MDH1B: variants seen among roughly 807,000 people sequenced by gnomAD.
MDH1B encodes putative malate dehydrogenase 1B.
A neutral mutation model predicts 61.4 loss-of-function variants in MDH1B; 60 were observed. The observed-to-expected ratio is 0.98, with a 90% CI of 0.79 to 1.21. MDH1B has a LOEUF of 1.21. Among genes scored for constraint, MDH1B ranks in the 50% most tolerant of loss-of-function variants. The pLI, the probability that MDH1B is intolerant of heterozygous loss-of-function variation, is 0.00. For missense variants in MDH1B, 587 were observed against 632.1 expected (o/e 0.93, Z 0.76); for synonymous variants, 236 against 218.7 (o/e 1.08, Z -0.70).
Position 206,755,372 on chromosome 2 carries a change from C to T in MDH1B, c.547G>A (p.Glu183Lys). ...ACGGGAGATGCCAGGTCTTGGGTCT[C>T]CACCACAAGGCTTTTGAGATGTTCT... ...AEEHLKSLVV[E>K]TQDLASPVLR... Residue 183 changes from glutamate to lysine, a missense_variant, in exon 5 of 12, where the codon GAG becomes AAG. Physicochemically the swap from Glu to Lys is moderately conservative, Grantham distance 56. Coordinates refer to ENST00000374412, the MANE Select transcript of MDH1B (RefSeq NM_001039845.3). 6.2e-7 allele frequency: 1 copy of T among 1,614,192 alleles called. No individual in the cohort carries two copies. The highest frequency in any genetic ancestry group is 8.5e-7 in the Non-Finnish European group (1 of 1,180,034).
intron 9 of MDH1B, among the ~76,000 whole-genome samples, chr2:206,742,717 T>C (rs1035002685): frequency 4.8e-5 from 7 of 145,152 alleles, no homozygotes; most frequent in Non-Finnish European, 9.1e-5. Context: ...CTCTATTTTT[T>C]TTTTTTTTTT....
chr2:206,755,338 C>G lies in MDH1B; in HGVS notation c.581G>C (p.Ser194Thr). 6.2e-7 allele frequency: 1 copy of G among 1,614,232 alleles called. No homozygotes were observed. Among genetic ancestry groups the G allele is most frequent in the Non-Finnish European group, 8.5e-7 (1 of 1,180,040 alleles). ...TQDLASPVLR[S>T]VSICTKVEEA... ...CTCCACCTTCGTGCAGATGGAGACA[C>G]TGCGCAGGACGGGAGATGCCAGGTC... The change falls in exon 5 of 12, where the codon AGT becomes ACT. Residue 194 changes from serine (S) to threonine (T), a missense_variant. By Grantham distance (58) the Ser-to-Thr change is moderately conservative. Coordinates refer to ENST00000374412, the MANE Select transcript of MDH1B (RefSeq NM_001039845.3).
chr2:206,742,795 T>G (rs376452432), intron 9 of MDH1B, among the ~76,000 whole-genome samples: 122 of 144,728 alleles, frequency 8.4e-4, no homozygotes, highest in African/African-American at 2.7e-3. Context: ...CAGCTCAAGC[T>G]CCACCTCCTG....
Position 206,750,928 on chromosome 2 carries a change from C to T in MDH1B, c.1052+6G>A. On this transcript the variant is annotated splice_donor_region_variant and intron_variant, in intron 6 of 11. Coordinates refer to ENST00000374412, the MANE Select transcript of MDH1B (RefSeq NM_001039845.3). Reference sequence around the variant, plus strand: ...TCAGTATGCTTCACTTCAAAATATACTGTACCTGTCAAAAATCAAGTTTAA... The same window carrying T: ...TCAGTATGCTTCACTTCAAAATATATTGTACCTGTCAAAAATCAAGTTTAA... 6.3e-7 allele frequency: 1 copy of T among 1,599,308 alleles called. No homozygotes were observed. The highest frequency in any genetic ancestry group is 8.5e-7 in the Non-Finnish European group (1 of 1,173,738).
intron 11 of MDH1B, 30 bp from the exon 12 acceptor site, chr2:206,738,541 A>G (rs865946499): frequency 6.5e-7 from 1 of 1,535,374 alleles, no homozygotes; most frequent in Middle Eastern, 1.7e-4. Context: ...AAAAGACATA[A>G]CTATTTCCAA....
intron 1 of MDH1B, among the ~76,000 whole-genome samples, chr2:206,761,686 C>T (rs1689105313): frequency 6.6e-6 from 1 of 151,964 alleles, no homozygotes; most frequent in South Asian, 2.1e-4. Context: ...GGGTTTCAGA[C>T]ACACAATTTG....
rs775737798 is a variant in MDH1B, at chr2:206,745,647, C to G, written c.1383G>C (p.Lys461Asn). ...IQEKLVALGD[K>N]IHFQPYQSGH... ...CTGATTGGTATGGCTGAAAATGTAT[C>G]TTGTCTCCAAGTGCAACAAGTTTCT... The change falls in exon 9 of 12, where the codon AAG becomes AAC. Residue 461 changes from lysine (K) to asparagine (N), a missense_variant. Coordinates refer to ENST00000374412, the MANE Select transcript of MDH1B (RefSeq NM_001039845.3). 6.8e-6 allele frequency: 11 copies of G among 1,611,774 alleles called. No homozygotes were observed. The highest frequency in any genetic ancestry group is 9.3e-6 in the Non-Finnish European group (11 of 1,178,878).
chr2:206,756,095 G>A (rs1030915375), intron 4 of MDH1B, among the ~76,000 whole-genome samples: 3 of 152,102 alleles, frequency 2.0e-5, no homozygotes, highest in African/African-American at 7.2e-5. Context: ...GTTCAGAAAT[G>A]CATCCGGGCA....
intron 8 of MDH1B, 54 bp from the exon 9 acceptor site, chr2:206,745,727 C>CT: frequency 1.7e-5 from 13 of 785,948 alleles, no homozygotes; most frequent in Middle Eastern, 3.8e-4. Flanking sequence ...TAACTTAATT[C>CT]TTCTTTTTTT....
intron 1 of MDH1B, 23 bp from the exon 2 acceptor site, chr2:206,761,036 T>A (rs747233077): frequency 1.5e-6 from 2 of 1,299,630 alleles, no homozygotes; most frequent in African/African-American, 2.9e-5. Flanking sequence ...AAATTAGCAA[T>A]GTTTTCTTTC....
In MDH1B at chr2:206,760,974, A is replaced by G. The variant is rs1559351071; in HGVS notation, c.62T>C (p.Val21Ala). ...AAGATTCTTTTGTAAATAGTCTGCC[A>G]CAAGTTCTGTTTTAGCATAATATGG... ...DCPYYAKTEL[V>A]ADYLQKNLPD... Residue 21 changes from valine to alanine, a missense_variant, in exon 2 of 12, where the codon GTG (valine) becomes GCG (alanine). Coordinates refer to ENST00000374412, the MANE Select transcript of MDH1B (RefSeq NM_001039845.3). 1.9e-6 allele frequency: 3 copies of G among 1,612,446 alleles called. No homozygotes were observed. Among genetic ancestry groups the G allele is most frequent in the Non-Finnish European group, 1.7e-6 (2 of 1,178,676 alleles).
chr2:206,760,575 G>A (rs1689031586), intron 2 of MDH1B, among the ~76,000 whole-genome samples: 1 of 152,126 alleles, frequency 6.6e-6, no homozygotes, highest in Non-Finnish European at 1.5e-5. Flanking sequence ...CCAAAGAAGG[G>A]TATCCCAAAT....
chr2:206,743,142 G>A (rs572725650), intron 9 of MDH1B, among the ~76,000 whole-genome samples: 5 of 152,340 alleles, frequency 3.3e-5, no homozygotes, highest in Admixed American at 6.5e-5. Flanking sequence ...GGCCTACTAA[G>A]TAGGGACTTG....
At position 206,750,960 on chromosome 2, in the gene MDH1B, G is replaced by T; in HGVS notation, c.1026C>A (p.Arg342=). ...SAIWGPLHYS[R]PVLNLIFDSE... ...TGTCAAAAATCAAGTTTAAAACAGG[G>T]CGTGAATAATGAAGAGGTCCCCAAA... The change falls in exon 6 of 12, where the codon CGC becomes CGA. Residue 342 remains arginine (R), a synonymous_variant. Transcript: ENST00000374412. 6.2e-7 allele frequency: 1 copy of T among 1,609,774 alleles called. No homozygotes were observed. Among genetic ancestry groups the T allele is most frequent in the Non-Finnish European group, 8.5e-7 (1 of 1,177,816 alleles).
chr2:206,746,218 C>A, intron 8 of MDH1B, 69 bp downstream of exon 8: 3 of 1,337,274 alleles, frequency 2.2e-6, no homozygotes, highest in East Asian at 2.6e-5. Flanking sequence ...CCAATGTATG[C>A]CTTGGCCTAG....
Position 206,765,152 on chromosome 2 carries a change from G to C in MDH1B, c.22+98C>G. The stretch of plus-strand genomic sequence containing the variant: ...TTGAATAAATCTATAGCAAAGCATG[G>C]AGCGGTCCGTATAGAGGCTGCCAAG... On this transcript the variant is annotated intron_variant, in intron 1 of 11. Coordinates refer to ENST00000374412, the MANE Select transcript of MDH1B (RefSeq NM_001039845.3). The C allele has an allele frequency of 3.5e-6, 5 of 1,425,168 alleles. No individual in the cohort carries two copies. In the East Asian group the frequency reaches 1.3e-4, roughly 36 times the overall value. 88.3% of individuals were successfully genotyped at this position (1,425,168 alleles called of 1,614,324 possible). A position where few individuals can be genotyped will look rare whatever the true frequency, so the allele number is the denominator to read the frequency against.
At position 206,738,062 on chromosome 2, in the gene MDH1B, T is replaced by C. The variant is rs964621527; in HGVS notation, c.*421A>G. 1.3e-5 allele frequency: 2 copies of C among 154,444 alleles called. No individual in the cohort carries two copies. The highest frequency in any genetic ancestry group is 1.9e-4 in the East Asian group (1 of 5,276). 9.6% of individuals were successfully genotyped at this position (154,444 alleles called of 1,614,324 possible). The stretch of plus-strand genomic sequence containing the variant: ...TATGATTGGTTCTCCTTGAGTGAAG[T>C]ACATCTGTTTGGCCTAATTAGTTGA... On this transcript the variant is annotated 3_prime_UTR_variant, in exon 12 of 12. Transcript: ENST00000374412.
intron 5 of MDH1B, among the ~76,000 whole-genome samples, chr2:206,753,451 T>C (rs991637998): frequency 6.6e-6 from 1 of 152,120 alleles, no homozygotes; most frequent in African/African-American, 2.4e-5. Context: ...CCTGGTGACT[T>C]CAGTCACCGT....
rs1574650863 is a variant in MDH1B at position 206,760,919 on chromosome 2, T to C, written c.117A>G (p.Gln39=). Residue 39 remains glutamine (Q), a synonymous_variant, in exon 2 of 12, where the codon CAA becomes CAG. Coordinates refer to ENST00000374412, the MANE Select transcript of MDH1B (RefSeq NM_001039845.3). ...LPDFRIHKIT[Q]RPEVWEDWLK... Reference sequence around the variant, plus strand: ...TTCTTACCTCCCAAACCTCAGGACGTTGTGTGATTTTATGTATCCGAAAAT... The same window carrying C: ...TTCTTACCTCCCAAACCTCAGGACGCTGTGTGATTTTATGTATCCGAAAAT... The C allele has an allele frequency of 2.5e-6, 4 of 1,607,432 alleles. No individual in the cohort carries two copies. The highest frequency in any genetic ancestry group is 4.5e-5 in the East Asian group (2 of 44,802).
Sources: gnomAD v4.1 joint callset for allele counts (sites outside exome capture counted in the v4.1 genomes callset) on GRCh38, gnomAD v4.1.1 for gene constraint, MANE v1.5 for transcripts, NCBI Gene and HGNC (gene_info 2026-07-23, HGNC 2026-07-21) for gene names.